Variants in POU6F2 observed in about 807,000 individuals in gnomAD.
The protein encoded by POU6F2 is POU class 6 homeobox 2, also known as POU domain, class 6, transcription factor 2.
A neutral mutation model predicts 71.3 loss-of-function variants in POU6F2; 31 were observed. The observed-to-expected ratio is 0.43, with a 90% CI of 0.33 to 0.59. The LOEUF (loss-of-function observed/expected upper bound fraction) is 0.59, where lower values mean the gene tolerates loss of function less well. Ranked by LOEUF, POU6F2 falls within the 20% of genes least tolerant of loss-of-function variation. POU6F2 has a pLI of 0.04. For missense variants in POU6F2, 783 were observed against 856.8 expected, an observed-to-expected ratio of 0.91 and a Z score of 1.07; for synonymous variants, 347 against 355.7, an observed-to-expected ratio of 0.98 and a Z score of 0.27.
chr7:39,073,721 C>A (rs1039924583), intron 1 of POU6F2, among the ~76,000 whole-genome samples: 2 of 152,228 alleles, frequency 1.3e-5, no homozygotes, highest in Non-Finnish European at 2.9e-5. Context: ...GAAAGCTGCC[C>A]AGACTGCTGG....
At chr7:38,978,812 T>G (rs927237378) in intron 1 of POU6F2, among the ~76,000 whole-genome samples, 6 of 152,174 alleles carry the variant, frequency 3.9e-5, no homozygotes, top group Non-Finnish European at 8.8e-5. Context: ...CACAAGCTGA[T>G]TTTTAGAGCT....
At chr7:39,389,815 G>C (rs1391086978) in intron 5 of POU6F2, among the ~76,000 whole-genome samples, 3 of 152,184 alleles carry the variant, frequency 2.0e-5, no homozygotes, top group Non-Finnish European at 4.4e-5. Context: ...TCCCAAGCCA[G>C]AATTGGGCAA....
intron 4 of POU6F2, among the ~76,000 whole-genome samples, chr7:39,331,139 G>A (rs1296371693): frequency 2.0e-5 from 3 of 152,282 alleles, no homozygotes; most frequent in Middle Eastern, 3.4e-3. Flanking sequence ...ACAGTATTCC[G>A]TTATGGATAT....
chr7:39,293,976 A>T (rs1156912353), intron 4 of POU6F2, among the ~76,000 whole-genome samples: 1 of 152,142 alleles, frequency 6.6e-6, no homozygotes, highest in Non-Finnish European at 1.5e-5. Flanking sequence ...AAAAACTTTG[A>T]AAGGGAAAAA....
At chr7:39,328,483 T>C (rs919946508) in intron 4 of POU6F2, among the ~76,000 whole-genome samples, 50 of 152,310 alleles carry the variant, frequency 3.3e-4, no homozygotes, top group African/African-American at 1.1e-3. Flanking sequence ...GAGCCAAAGA[T>C]GAATTTGGTC....
intron 4 of POU6F2, among the ~76,000 whole-genome samples, chr7:39,227,257 G>T (rs1287420359): frequency 6.6e-6 from 1 of 151,890 alleles, no homozygotes; most frequent in Non-Finnish European, 1.5e-5. Context: ...TGCTTAGAAC[G>T]TCCTCTTTTA....
intron 2 of POU6F2, among the ~76,000 whole-genome samples, chr7:39,119,211 G>A (rs997248338): frequency 5.9e-5 from 9 of 152,188 alleles, no homozygotes; most frequent in Non-Finnish European, 8.8e-5. Context: ...AGAACCCTGG[G>A]ATGCCCCTGG....
At chr7:39,103,856 A>C (rs1791623503) in intron 2 of POU6F2, among the ~76,000 whole-genome samples, 1 of 152,174 alleles carries the variant, frequency 6.6e-6, no homozygotes, top group African/African-American at 2.4e-5. Flanking sequence ...CAAGGCTAGA[A>C]CAGAGAAGGC....
Position 39,464,749 on chromosome 7 carries a change from CACAACAACA to C in POU6F2, c.*74_*82del. The C allele has an allele frequency of 6.8e-7, 1 of 1,461,366 alleles. No homozygotes were observed. The highest frequency in any genetic ancestry group is 9.1e-7 in the Non-Finnish European group (1 of 1,097,992). The allele number at this position is 1,461,366 out of a possible 1,614,324, so 90.5% of individuals were successfully genotyped here. On this transcript the variant is annotated 3_prime_UTR_variant, in exon 10 of 10. Transcript: ENST00000518318. This position sits in a 1 kb window ranked among gnomAD's most constrained non-coding sequence, Gnocchi z 4.1. ...AAACTAAACTCCACCCTTGGGACTCCACAACAACAACAACAACAAAATTTAATTTAATTT... is the reference window on the plus strand; with the variant it reads ...AAACTAAACTCCACCCTTGGGACTCCACAACAACAAAATTTAATTTAATTT...
At chr7:39,235,094 C>A (rs1355634255) in intron 4 of POU6F2, among the ~76,000 whole-genome samples, 1 of 152,204 alleles carries the variant, frequency 6.6e-6, no homozygotes. Flanking sequence ...TTGGGGTCAG[C>A]CCCTTATGTT....
intron 1 of POU6F2, among the ~76,000 whole-genome samples, chr7:39,038,675 T>C (rs1053390822): frequency 2.0e-5 from 3 of 152,072 alleles, no homozygotes; most frequent in Non-Finnish European, 2.9e-5. Flanking sequence ...TCTTTAGTAA[T>C]GCTGTTAAAC....
At chr7:39,086,168 T>A in intron 2 of POU6F2, 137 bp downstream of exon 2, 1 of 920,704 alleles carries the variant, frequency 1.1e-6, no homozygotes, top group Non-Finnish European at 1.5e-6. Flanking sequence ...TTGGAGGTGC[T>A]AAGCCACTGA....
chr7:38,981,257 G>A (rs1451505126), intron 1 of POU6F2, among the ~76,000 whole-genome samples: 1 of 152,142 alleles, frequency 6.6e-6, no homozygotes. Context: ...TTATGGCCAT[G>A]TTTAGTGCTT....
rs550461725 is a variant in POU6F2 at position 38,980,052 on chromosome 7, T to C, written c.105+1994T>C. ...GGATTTAAAATTAGTTATTATTACA[T>C]AGCTCTGTATTTTGTATGTACTCTT... On this transcript the variant is annotated intron_variant, in intron 1 of 9. Transcript: ENST00000518318. Among the ~76,000 whole-genome samples the C allele has an allele frequency of 2.0e-5, 3 of 152,316 alleles. No individual in the cohort carries two copies. In the South Asian group the frequency reaches 6.2e-4, roughly 32 times the overall value.
chr7:39,414,739 A>G (rs2115931200), intron 6 of POU6F2, among the ~76,000 whole-genome samples: 1 of 151,920 alleles, frequency 6.6e-6, no homozygotes, highest in African/African-American at 2.4e-5. Flanking sequence ...CTGAAATGAA[A>G]GAGTTATCAA....
At chr7:39,125,527 A>G (rs1170948834) in intron 2 of POU6F2, among the ~76,000 whole-genome samples, 3 of 152,162 alleles carry the variant, frequency 2.0e-5, no homozygotes, top group Non-Finnish European at 4.4e-5. Flanking sequence ...TTTCTGTTAA[A>G]AAATATATTA....
chr7:39,281,614 G>C (rs1014071187), intron 4 of POU6F2, among the ~76,000 whole-genome samples: 18 of 152,206 alleles, frequency 1.2e-4, no homozygotes, highest in African/African-American at 3.9e-4. Context: ...CATCCATGTT[G>C]CTGCAAATGA....
chr7:39,263,375 C>T (rs1487219728), intron 4 of POU6F2, among the ~76,000 whole-genome samples: 4 of 152,168 alleles, frequency 2.6e-5, no homozygotes, highest in Non-Finnish European at 4.4e-5. Flanking sequence ...GTTTAAATCA[C>T]ACCTTCTATA....
At chr7:39,332,297 G>GCCC (rs1480108924) in intron 4 of POU6F2, among the ~76,000 whole-genome samples, 3 of 152,088 alleles carry the variant, frequency 2.0e-5, no homozygotes, top group Non-Finnish European at 4.4e-5. Context: ...CCTATGCTCT[G>GCCC]CTGTGGACTG....
Sources: allele counts gnomAD v4.1 joint callset (sites outside exome capture counted in the v4.1 genomes callset), GRCh38; gene constraint gnomAD v4.1.1; non-coding constraint Gnocchi (gnomAD v3.1); transcripts MANE v1.5; gene names NCBI Gene and HGNC (gene_info 2026-07-23, HGNC 2026-07-21).